KCNH5: variants seen among roughly 807,000 people sequenced by gnomAD.
KCNH5 encodes the protein potassium voltage-gated channel subfamily H member 5.
KCNH5 carries 46 observed loss-of-function variants against 96.1 expected under a neutral mutation model. The ratio of observed to expected loss-of-function variants is 0.48; its 90% CI spans 0.38 to 0.61. The LOEUF (loss-of-function observed/expected upper bound fraction) is 0.61. Among genes scored for constraint, KCNH5 ranks in the 20% least tolerant of loss-of-function variants. The probability of loss-of-function intolerance (pLI) is 0.00; values close to 1 mark genes in which losing one functional copy is unlikely to be tolerated. For missense variants in KCNH5, 907 were observed against 1,225.8 expected (o/e 0.74, Z 3.88); for synonymous variants, 439 against 449.8 (o/e 0.98, Z 0.30).
chr14:62,808,882 G>T (rs1223064432), intron 8 of KCNH5, among the ~76,000 whole-genome samples: 3 of 152,056 alleles, frequency 2.0e-5, no homozygotes, highest in African/African-American at 7.2e-5. Flanking sequence ...AAGGTGGTTT[G>T]TAATAAACTA....
At chr14:63,001,600 T>G in intron 3 of KCNH5, 141 bp from the exon 4 acceptor site, 1 of 657,220 alleles carries the variant, frequency 1.5e-6, no homozygotes, top group Non-Finnish European at 2.5e-6. Flanking sequence ...TATTAATTAC[T>G]ACAAACAATC....
chr14:62,746,793 C>T (rs1208188974), intron 10 of KCNH5, among the ~76,000 whole-genome samples: 1 of 152,222 alleles, frequency 6.6e-6, no homozygotes, highest in Non-Finnish European at 1.5e-5. Flanking sequence ...TATCAGTTCA[C>T]CTTTTCCTTG....
intron 1 of KCNH5, among the ~76,000 whole-genome samples, chr14:63,038,453 A>T (rs1348965443): frequency 1.3e-5 from 2 of 152,160 alleles, no homozygotes; most frequent in Non-Finnish European, 2.9e-5. Flanking sequence ...TGAGATCCAT[A>T]TGACTTTGTA....
intron 1 of KCNH5, among the ~76,000 whole-genome samples, chr14:63,027,139 A>T: frequency 7.2e-6 from 1 of 139,208 alleles, no homozygotes; most frequent in East Asian, 2.7e-4. Context: ...GTGCAATGTA[A>T]AAAAAGTCAA....
At chr14:62,743,412 T>C (rs1264743817) in intron 10 of KCNH5, among the ~76,000 whole-genome samples, 1 of 152,236 alleles carries the variant, frequency 6.6e-6, no homozygotes, top group Non-Finnish European at 1.5e-5. Context: ...AATAAATCTA[T>C]GAAATCTTTT....
chr14:62,970,689 G>A (rs1490479525), intron 6 of KCNH5, among the ~76,000 whole-genome samples: 1 of 152,082 alleles, frequency 6.6e-6, no homozygotes, highest in Non-Finnish European at 1.5e-5. Flanking sequence ...TGCAAAGCTG[G>A]TGCAACATTT....
At chr14:62,975,719 C>T (rs1451788829) in intron 6 of KCNH5, among the ~76,000 whole-genome samples, 1 of 151,844 alleles carries the variant, frequency 6.6e-6, no homozygotes, top group Admixed American at 6.6e-5. Flanking sequence ...AAGGAAAGTT[C>T]AATCAATCCA....
At chr14:62,895,803 C>T (rs1888799238) in intron 7 of KCNH5, among the ~76,000 whole-genome samples, 1 of 152,070 alleles carries the variant, frequency 6.6e-6, no homozygotes, top group South Asian at 2.1e-4. Flanking sequence ...ACTCCAAAGA[C>T]ATATTTTGTA....
At chr14:62,906,412 A>G (rs1889028754) in intron 7 of KCNH5, among the ~76,000 whole-genome samples, 1 of 152,234 alleles carries the variant, frequency 6.6e-6, no homozygotes, top group Admixed American at 6.5e-5. Context: ...GCCAAGATGT[A>G]AAGGAAACAT....
At chr14:63,001,499 G>C (rs1049008258) in intron 3 of KCNH5, 40 bp from the exon 4 acceptor site, 1 of 1,573,864 alleles carries the variant, frequency 6.4e-7, no homozygotes, top group African/African-American at 1.4e-5. Context: ...ATTAGAGTGT[G>C]GCACGGCCAC....
chr14:62,828,360 C>A (rs1338650582), intron 8 of KCNH5, among the ~76,000 whole-genome samples: 13 of 152,130 alleles, frequency 8.5e-5, no homozygotes, highest in East Asian at 5.8e-4. Context: ...TCTTAACTAG[C>A]AATAGTTGCT....
chr14:62,950,902 TAGG>T (rs1250301945), intron 6 of KCNH5, among the ~76,000 whole-genome samples: 3 of 152,122 alleles, frequency 2.0e-5, no homozygotes, highest in Non-Finnish European at 4.4e-5. Context: ...AGTATACAAA[TAGG>T]AGTGTTGAAT....
At chr14:62,808,447 G>T (rs1407434592) in intron 8 of KCNH5, among the ~76,000 whole-genome samples, 2 of 152,086 alleles carry the variant, frequency 1.3e-5, no homozygotes, top group Non-Finnish European at 2.9e-5. Flanking sequence ...ACAAAAAAAT[G>T]TAAAGGGTTA....
At chr14:62,884,587 C>T (rs1268547344) in intron 7 of KCNH5, among the ~76,000 whole-genome samples, 2 of 152,148 alleles carry the variant, frequency 1.3e-5, no homozygotes, top group African/African-American at 4.8e-5. Context: ...GATCGCGCCA[C>T]TGCACTCCAG....
intron 4 of KCNH5, among the ~76,000 whole-genome samples, chr14:62,989,948 C>T (rs1218614130): frequency 1.3e-5 from 2 of 151,940 alleles, no homozygotes. Flanking sequence ...GTGCACCTTA[C>T]ATCAATAGAA....
intron 7 of KCNH5, among the ~76,000 whole-genome samples, chr14:62,895,893 T>C (rs115138443): frequency 5.4e-4 from 83 of 152,324 alleles, no homozygotes; most frequent in African/African-American, 1.9e-3. Context: ...CTGCCTTCTA[T>C]GAACTCCTGA....
At chr14:62,911,964 G>A (rs999561796) in intron 7 of KCNH5, among the ~76,000 whole-genome samples, 7 of 151,026 alleles carry the variant, frequency 4.6e-5, no homozygotes, top group African/African-American at 9.8e-5. Flanking sequence ...CTTGAAACCG[G>A]GAGGCGGATG....
intron 8 of KCNH5, among the ~76,000 whole-genome samples, chr14:62,824,952 T>C (rs1373255738): frequency 3.3e-5 from 5 of 152,118 alleles, no homozygotes; most frequent in African/African-American, 7.2e-5. Flanking sequence ...TTGTTTTTTT[T>C]ATGGCTGTAT....
intron 8 of KCNH5, among the ~76,000 whole-genome samples, chr14:62,804,308 T>C (rs1340066876): frequency 5.3e-5 from 8 of 152,212 alleles, no homozygotes; most frequent in African/African-American, 1.9e-4. Flanking sequence ...TAAAAGTAAT[T>C]GACGCTGTTT....
Sources: allele counts gnomAD v4.1 joint callset (sites outside exome capture counted in the v4.1 genomes callset), GRCh38; gene constraint gnomAD v4.1.1; transcripts MANE v1.5; gene names NCBI Gene and HGNC (gene_info 2026-07-23, HGNC 2026-07-21).